CUX1: variants seen among roughly 807,000 people sequenced by gnomAD.
CUX1 encodes cut like homeobox 1.
In CUX1, 31 loss-of-function variants were observed where a neutral mutation model predicts 158.8. The observed-to-expected ratio is 0.20, with a 90% CI of 0.15 to 0.26. The LOEUF is 0.26. CUX1 is among the 10% of genes least tolerant of loss of function. CUX1 has a pLI of 1.00. For missense variants in CUX1, 1,589 were observed against 2,014.6 expected (o/e 0.79, Z 4.04); for synonymous variants, 879 against 862.1 (o/e 1.02, Z -0.34).
chr7:102,030,689 G>GTGTTTTTTTTTTTTTTTTTGTTTTT (rs1554459461), intron 3 of CUX1, among the ~76,000 whole-genome samples: 1 of 82,536 alleles, frequency 1.2e-5, no homozygotes, highest in Non-Finnish European at 2.1e-5. Flanking sequence ...ATTTTAAAAA[G>GTGTTTTTTTTTTTTTTTTTGTTTTT]TGTTTTTTTT....
chr7:102,192,140 G>T (rs1452411534), intron 12 of CUX1, among the ~76,000 whole-genome samples: 1 of 152,150 alleles, frequency 6.6e-6, no homozygotes, highest in Admixed American at 6.6e-5. Context: ...CCCCTTCTCA[G>T]CATCGTCCCA....
At chr7:101,949,839 G>C (rs1808845444) in intron 2 of CUX1, among the ~76,000 whole-genome samples, 1 of 151,764 alleles carries the variant, frequency 6.6e-6, no homozygotes, top group Non-Finnish European at 1.5e-5. Flanking sequence ...GCGAGTGCTT[G>C]CTTTTTCTGC....
intron 1 of CUX1, among the ~76,000 whole-genome samples, chr7:101,892,231 G>A (rs1361695089): frequency 6.6e-6 from 1 of 152,224 alleles, no homozygotes; most frequent in East Asian, 1.9e-4. Flanking sequence ...GCTAGGTTTA[G>A]TATCGTTCCT....
chr7:101,885,065 A>G (rs1800087803), intron 1 of CUX1, among the ~76,000 whole-genome samples: 1 of 152,180 alleles, frequency 6.6e-6, no homozygotes, highest in Admixed American at 6.5e-5. Context: ...CATATAGCGG[A>G]AATATTTGTT....
rs1289737032 is a variant in CUX1, at chr7:102,250,047, AAAAAG to A, written c.*1010_*1014del. The A allele has an allele frequency of 2.4e-5, 23 of 977,076 alleles. No homozygotes were observed. The highest frequency in any genetic ancestry group is 1.1e-3 in the Middle Eastern group (2 of 1,902). 60.5% of individuals were successfully genotyped at this position (977,076 alleles called of 1,614,324 possible). On this transcript the variant is annotated 3_prime_UTR_variant, in exon 24 of 24. Coordinates refer to ENST00000292535, the MANE Select transcript of CUX1 (RefSeq NM_181552.4). The stretch of plus-strand genomic sequence containing the variant: ...CCATTCTAGGCCAAATCAGGACAAA[AAAAAG>A]AAAAAAAAAGAAAAAAAAAAAAGAA...
chr7:101,937,533 C>T (rs1220566013), intron 2 of CUX1, among the ~76,000 whole-genome samples: 10 of 148,628 alleles, frequency 6.7e-5, no homozygotes, highest in African/African-American at 2.5e-4. Context: ...TTAATTGAGA[C>T]AGAGTCTCGC....
chr7:101,944,174 C>A (rs757392307), intron 2 of CUX1, among the ~76,000 whole-genome samples: 2 of 152,004 alleles, frequency 1.3e-5, no homozygotes, highest in Non-Finnish European at 2.9e-5. Context: ...CAGCCCCTCC[C>A]GATGGCTCCT....
intron 1 of CUX1, among the ~76,000 whole-genome samples, chr7:101,862,540 T>C (rs1313663326): frequency 6.6e-6 from 1 of 152,174 alleles, no homozygotes; most frequent in Non-Finnish European, 1.5e-5. Flanking sequence ...AAGAAGGCCC[T>C]TCTGTTGGGC....
intron 1 of CUX1, among the ~76,000 whole-genome samples, chr7:101,861,927 C>T (rs1311289874): frequency 3.3e-5 from 5 of 152,030 alleles, no homozygotes; most frequent in African/African-American, 7.3e-5. Flanking sequence ...CTCCACCTCC[C>T]GGGTTCAAGC....
At position 102,251,908 on chromosome 7, in the gene CUX1, C is replaced by G. The variant is rs978803797; in HGVS notation, c.*2866C>G. Reference sequence around the variant, plus strand: ...AGATTTGTCCATTCTAGTGGCCAAACAGTAACAGTCTAAAATGCAGTCATT... The same window carrying G: ...AGATTTGTCCATTCTAGTGGCCAAAGAGTAACAGTCTAAAATGCAGTCATT... On this transcript the variant is annotated 3_prime_UTR_variant, in exon 24 of 24. Coordinates refer to ENST00000292535, the MANE Select transcript of CUX1 (RefSeq NM_181552.4). The G allele has an allele frequency of 1.0e-6, 1 of 985,376 alleles. No homozygotes were observed. The highest frequency in any genetic ancestry group is 1.2e-6 in the Non-Finnish European group (1 of 829,898). 61.0% of individuals were successfully genotyped at this position (985,376 alleles called of 1,614,324 possible). A position where few individuals can be genotyped will look rare whatever the true frequency, so the allele number is the denominator to read the frequency against.
chr7:102,281,626 G>A (rs1554549270), intron 20 of CUX1, among the ~76,000 whole-genome samples: 2 of 151,946 alleles, frequency 1.3e-5, no homozygotes, highest in Non-Finnish European at 2.9e-5. Flanking sequence ...TCACACCACT[G>A]CACTCCAGCC....
intron 20 of CUX1, among the ~76,000 whole-genome samples, chr7:102,213,490 C>G (rs1036423142): frequency 2.0e-5 from 3 of 152,316 alleles, no homozygotes; most frequent in East Asian, 3.9e-4. Context: ...TCGTTCTTCC[C>G]GTCGCTTTCC....
intron 1 of CUX1, among the ~76,000 whole-genome samples, chr7:101,870,047 A>C (rs1798325239): frequency 1.4e-5 from 2 of 144,524 alleles, no homozygotes; most frequent in African/African-American, 2.6e-5. Flanking sequence ...CCATTTGAGC[A>C]CCTGTAGCTT....
At chr7:102,088,213 G>T (rs908289504) in intron 4 of CUX1, among the ~76,000 whole-genome samples, 5 of 152,132 alleles carry the variant, frequency 3.3e-5, no homozygotes, top group Admixed American at 6.5e-5. Flanking sequence ...GGCCAGGCTG[G>T]TTTCAAACTC....
intron 4 of CUX1, among the ~76,000 whole-genome samples, chr7:102,077,793 C>A (rs1826935691): frequency 6.6e-6 from 1 of 151,820 alleles, no homozygotes; most frequent in African/African-American, 2.4e-5. Context: ...TTACTGAGTT[C>A]TAAGCAAAAT....
At chr7:101,864,382 G>C (rs567157254) in intron 1 of CUX1, among the ~76,000 whole-genome samples, 1 of 152,054 alleles carries the variant, frequency 6.6e-6, no homozygotes, top group East Asian at 1.9e-4. Context: ...GGTTGGTCTT[G>C]AACTCCTGAG....
At chr7:102,071,553 C>T (rs1826137135) in intron 4 of CUX1, among the ~76,000 whole-genome samples, 2 of 152,158 alleles carry the variant, frequency 1.3e-5, no homozygotes, top group South Asian at 2.1e-4. Context: ...CACCACCCTC[C>T]CCTCCCCACC....
chr7:102,262,185 C>T (rs551559492), downstream of CUX1, among the ~76,000 whole-genome samples: 11 of 152,218 alleles, frequency 7.2e-5, no homozygotes, highest in East Asian at 1.7e-3. Flanking sequence ...GGGTGGATCA[C>T]GAGTTCAAGA....
rs541803908 is a variant in CUX1, at chr7:102,012,154, G to A, written c.142-15944G>A. Among the ~76,000 whole-genome samples the A allele has an allele frequency of 5.9e-5, 9 of 152,078 alleles. No homozygotes were observed. The East Asian group carries it at 1.7e-3, about 29-fold the overall frequency. ...AGTCTGCCATATTGTTGATTTCACA[G>A]GATTTGCTTTTTTAAAAAAATGTAT... On this transcript the variant is annotated intron_variant, in intron 2 of 23. Transcript: ENST00000292535.
Sources: allele counts gnomAD v4.1 joint callset (sites outside exome capture counted in the v4.1 genomes callset), GRCh38; gene constraint gnomAD v4.1.1; transcripts MANE v1.5; gene names NCBI Gene and HGNC (gene_info 2026-07-23, HGNC 2026-07-21).